MRPL48: variants seen among roughly 807,000 people sequenced by gnomAD.
MRPL48 encodes mitochondrial ribosomal protein L48.
MRPL48 carries 16 observed loss-of-function variants against 32.9 expected under a neutral mutation model. The ratio of observed to expected loss-of-function variants is 0.49; its 90% CI spans 0.33 to 0.74. The LOEUF (loss-of-function observed/expected upper bound fraction) is 0.74, where lower values mean the gene tolerates loss of function less well. Ranked by LOEUF, MRPL48 falls within the 30% of genes least tolerant of loss-of-function variation. The probability of loss-of-function intolerance (pLI) is 0.02; values close to 1 mark genes in which losing one functional copy is unlikely to be tolerated. For missense variants in MRPL48, 206 were observed against 245.3 expected (o/e 0.84, Z 1.07); for synonymous variants, 94 against 89.2 (o/e 1.05, Z -0.31).
chr11:73,788,087 C>G (rs1947075649), intron 1 of MRPL48, 95 bp downstream of exon 1: 2 of 1,311,634 alleles, frequency 1.5e-6, no homozygotes, highest in Non-Finnish European at 1.0e-6. Context: ...GGTGGCGGCG[C>G]GCGGACATCC....
chr11:73,789,354 A>C (rs2134915974), intron 1 of MRPL48: 1 of 152,294 alleles, frequency 6.6e-6, no homozygotes, highest in East Asian at 1.9e-4. Context: ...GAACTCCTGG[A>C]AAAGAGCCCA....
intron 1 of MRPL48, among the ~76,000 whole-genome samples, chr11:73,803,585 C>T (rs1484011279): frequency 1.3e-5 from 2 of 151,962 alleles, no homozygotes; most frequent in African/African-American, 4.8e-5. Context: ...TCGTCTTTTC[C>T]GTAGGCTCCT....
chr11:73,823,856 A>AC (rs796866565), intron 3 of MRPL48, among the ~76,000 whole-genome samples: 1,493 of 139,456 alleles, frequency 0.011, 26 homozygotes, highest in African/African-American at 0.037. Flanking sequence ...ATATATAAAG[A>AC]CCCCCCTTTT....
intron 4 of MRPL48, among the ~76,000 whole-genome samples, chr11:73,839,301 C>T (rs1948151803): frequency 6.6e-6 from 1 of 151,970 alleles, no homozygotes; most frequent in African/African-American, 2.4e-5. Context: ...CTGTGGAAGC[C>T]CCTAGACTGT....
At chr11:73,823,654 G>GTTTTTTTTTT (rs57616234) in intron 3 of MRPL48, among the ~76,000 whole-genome samples, 9 of 105,678 alleles carry the variant, frequency 8.5e-5, no homozygotes, top group Non-Finnish European at 9.4e-5. Context: ...TTTCTTTTCT[G>GTTTTTTTTTT]TTTTTTTTTT....
intron 4 of MRPL48, among the ~76,000 whole-genome samples, chr11:73,836,693 T>C (rs563716428): frequency 1.2e-4 from 19 of 152,232 alleles, no homozygotes; most frequent in African/African-American, 4.1e-4. Flanking sequence ...TGGCTAGAAG[T>C]TTTCAGAGCC....
intron 7 of MRPL48, 97 bp from the exon 8 acceptor site, chr11:73,864,199 C>T: frequency 2.0e-6 from 2 of 1,008,744 alleles, no homozygotes; most frequent in Non-Finnish European, 3.0e-6. Flanking sequence ...TGATTCTCTA[C>T]AGAGCTGGTT....
At chr11:73,852,359 C>A (rs1189513001) in intron 5 of MRPL48, among the ~76,000 whole-genome samples, 4 of 109,874 alleles carry the variant, frequency 3.6e-5, no homozygotes, top group Non-Finnish European at 7.2e-5. Context: ...GGATTAATAA[C>A]CAGAATATAT....
chr11:73,850,968 G>A (rs549787963), intron 5 of MRPL48: 20 of 330,930 alleles, frequency 6.0e-5, no homozygotes, highest in Non-Finnish European at 7.1e-5. Flanking sequence ...GAGCCACCGC[G>A]CCCGGCCTGG....
rs1220489640 is a variant in MRPL48, at chr11:73,808,295, C to A, written c.75-18C>A. 2.1e-5 allele frequency: 33 copies of A among 1,597,396 alleles called. No homozygotes were observed. Among genetic ancestry groups the A allele is most frequent in the Non-Finnish European group, 2.8e-5 (33 of 1,169,862 alleles). On this transcript the variant is annotated intron_variant, in intron 2 of 7. Transcript: ENST00000310614. ...TGGGTTTCTAATTGTATTGAACATA[C>A]TTTCTCCCTCCTTTTAGGTTTAGAA...
rs183067923 is a variant in MRPL48, at chr11:73,865,117, G to C, written c.*747G>C. ...AACTTTTTATTTTAATTAGCTGGAC[G>C]TGGTGGTATGCACTTGTAGTCCCAC... On this transcript the variant is annotated 3_prime_UTR_variant, in exon 8 of 8. Transcript: ENST00000310614. 2.0e-5 allele frequency: 3 copies of C among 152,324 alleles called. No homozygotes were observed. The highest frequency in any genetic ancestry group is 1.3e-4 in the Admixed American group (2 of 15,264). 9.4% of individuals were successfully genotyped at this position (152,324 alleles called of 1,614,324 possible).
At chr11:73,860,669 T>G (rs1045965853) in intron 6 of MRPL48, among the ~76,000 whole-genome samples, 1 of 152,214 alleles carries the variant, frequency 6.6e-6, no homozygotes, top group Non-Finnish European at 1.5e-5. Flanking sequence ...AATTCACAGC[T>G]TCCCAGCTTT....
chr11:73,852,512 C>G, intron 5 of MRPL48, among the ~76,000 whole-genome samples: 1 of 151,052 alleles, frequency 6.6e-6, no homozygotes, highest in East Asian at 1.9e-4. Context: ...AAGTGCTCAA[C>G]ATCACTGATC....
At chr11:73,832,377 A>C (rs1948012310) in intron 4 of MRPL48, 1 of 152,184 alleles carries the variant, frequency 6.6e-6, no homozygotes, top group Admixed American at 6.5e-5. Flanking sequence ...ACAGCCACAA[A>C]TCTCTGAGGA....
At chr11:73,827,957 G>T (rs1421313588) in intron 4 of MRPL48, among the ~76,000 whole-genome samples, 5 of 152,234 alleles carry the variant, frequency 3.3e-5, no homozygotes, top group Non-Finnish European at 7.3e-5. Flanking sequence ...GTGACTTTGG[G>T]TAAGTCAACC....
intron 3 of MRPL48, among the ~76,000 whole-genome samples, chr11:73,810,493 C>T (rs1226126180): frequency 6.6e-6 from 1 of 151,730 alleles, no homozygotes; most frequent in Non-Finnish European, 1.5e-5. Flanking sequence ...TGCACTCCAG[C>T]CTGGGCAACA....
In MRPL48 at chr11:73,815,147, G is replaced by A. The variant is rs117869488; in HGVS notation, c.112+6797G>A. Among the ~76,000 whole-genome samples the A allele has an allele frequency of 6.9e-3, 1,048 of 152,240 alleles. 5 individuals carry two copies. The highest frequency in any genetic ancestry group is 0.024 in the Admixed American group (361 of 15,282). ...ATCCATGTTTTTGGCTAGGCGTCGT[G>A]TCTCATGTTTGTAATCTTAGCACTT... is the stretch of plus-strand genomic sequence containing the variant. On this transcript the variant is annotated intron_variant, in intron 3 of 7. Transcript: ENST00000310614.
intron 5 of MRPL48, among the ~76,000 whole-genome samples, chr11:73,858,439 G>C (rs186743186): frequency 5.9e-5 from 9 of 152,332 alleles, no homozygotes; most frequent in African/African-American, 2.2e-4. Context: ...AATTGGCAGA[G>C]CCAATATTTA....
At chr11:73,807,671 C>A (rs557442328) in intron 2 of MRPL48, among the ~76,000 whole-genome samples, 43 of 112,222 alleles carry the variant, frequency 3.8e-4, no homozygotes, top group African/African-American at 8.4e-4. Flanking sequence ...GAGTTTCGCT[C>A]TTGTTGCCCA....
Sources: allele counts gnomAD v4.1 joint callset (sites outside exome capture counted in the v4.1 genomes callset), GRCh38; gene constraint gnomAD v4.1.1; transcripts MANE v1.5; gene names NCBI Gene and HGNC (gene_info 2026-07-23, HGNC 2026-07-21).